The following GRIA4 variants were observed in gnomAD, a reference collection of about 807,000 sequenced individuals.
The protein encoded by GRIA4 is glutamate receptor 4.
In GRIA4, 34 loss-of-function variants were observed where a neutral mutation model predicts 104.0. That is an observed-to-expected ratio of 0.33 (90% CI 0.25 to 0.44). The LOEUF is 0.44. GRIA4 is among the 20% of genes least tolerant of loss of function. The pLI is 1.00. For synonymous variants in GRIA4, 386 were observed against 381.9 expected (o/e 1.01, Z -0.13); for missense variants, 750 against 1,096.5 (o/e 0.68, Z 4.46).
At chr11:105,970,462 C>T (rs553071505) in intron 14 of GRIA4, among the ~76,000 whole-genome samples, 13 of 152,290 alleles carry the variant, frequency 8.5e-5, no homozygotes, top group African/African-American at 3.1e-4. Context: ...AGGCTACTGC[C>T]TCGCTGTGTA....
At chr11:105,900,453 T>A (rs150445618) in intron 7 of GRIA4, among the ~76,000 whole-genome samples, 1 of 152,232 alleles carries the variant, frequency 6.6e-6, no homozygotes, top group Admixed American at 6.5e-5. Context: ...CCTTTATCAC[T>A]CCCTGTGCAC....
chr11:105,733,326 A>C (rs1006376383), intron 3 of GRIA4, among the ~76,000 whole-genome samples: 1 of 152,172 alleles, frequency 6.6e-6, no homozygotes, highest in African/African-American at 2.4e-5. Context: ...ACATGTATGA[A>C]ATTGTTGTTT....
At chr11:105,769,899 T>G (rs1029206358) in intron 4 of GRIA4, among the ~76,000 whole-genome samples, 1 of 152,078 alleles carries the variant, frequency 6.6e-6, no homozygotes, top group Admixed American at 6.6e-5. Flanking sequence ...AAATCTTATT[T>G]TAGAGATATT....
At chr11:105,615,145 A>C (rs1950569249) in intron 3 of GRIA4, among the ~76,000 whole-genome samples, 1 of 151,882 alleles carries the variant, frequency 6.6e-6, no homozygotes, top group African/African-American at 2.4e-5. Flanking sequence ...AAGGGCCATT[A>C]AACAGTATAT....
intron 10 of GRIA4, among the ~76,000 whole-genome samples, chr11:105,914,469 C>G (rs1476597922): frequency 1.3e-5 from 2 of 152,050 alleles, no homozygotes; most frequent in Non-Finnish European, 2.9e-5. Flanking sequence ...GATAGTTCCA[C>G]TTTTGCTAAA....
chr11:105,722,819 A>G (rs576844603), intron 3 of GRIA4, among the ~76,000 whole-genome samples: 1 of 152,226 alleles, frequency 6.6e-6, no homozygotes, highest in Non-Finnish European at 1.5e-5. Context: ...ATTTAGATAA[A>G]TATTTAAGAT....
At chr11:105,960,850 C>T (rs1414202755) in intron 14 of GRIA4, among the ~76,000 whole-genome samples, 1 of 152,212 alleles carries the variant, frequency 6.6e-6, no homozygotes, top group Non-Finnish European at 1.5e-5. Flanking sequence ...CACTCACCGC[C>T]TCCCGTGGCT....
chr11:105,677,237 A>G (rs958219308), intron 3 of GRIA4, among the ~76,000 whole-genome samples: 2 of 151,908 alleles, frequency 1.3e-5, no homozygotes, highest in Non-Finnish European at 2.9e-5. Context: ...GTACGTTTGC[A>G]CAATCTCTCT....
intron 4 of GRIA4, among the ~76,000 whole-genome samples, chr11:105,853,899 C>T (rs1944911893): frequency 6.6e-6 from 1 of 152,174 alleles, no homozygotes; most frequent in South Asian, 2.1e-4. Flanking sequence ...TCGGATGCAT[C>T]ATTTCCACTA....
chr11:105,718,746 A>G (rs1473376351), intron 3 of GRIA4, among the ~76,000 whole-genome samples: 3 of 152,158 alleles, frequency 2.0e-5, no homozygotes, highest in Non-Finnish European at 2.9e-5. Flanking sequence ...TAATGTGGAT[A>G]CTCACGGAAG....
chr11:105,969,016 T>G (rs901623709), intron 14 of GRIA4, among the ~76,000 whole-genome samples: 1 of 152,204 alleles, frequency 6.6e-6, no homozygotes, highest in African/African-American at 2.4e-5. Context: ...TTATTCTGCT[T>G]CTACATGTGT....
intron 7 of GRIA4, 117 bp downstream of exon 7, chr11:105,898,544 G>A: frequency 1.5e-6 from 1 of 660,750 alleles, no homozygotes; most frequent in Admixed American, 3.0e-5. Flanking sequence ...TGGGAAAAAA[G>A]CATTTTGTCC....
rs1942939777 is a variant in GRIA4, at chr11:105,806,042, A to C, written c.487+52822A>C. Among the ~76,000 whole-genome samples, 3 of 151,940 alleles carry C rather than the reference A, an allele frequency of 2.0e-5. No individual in the cohort carries two copies. In the South Asian group the frequency reaches 6.2e-4, roughly 31 times the overall value. ...CCTGATTTTATAATCCAATAAAAGT[A>C]ATTTGTATTTTTTTCTTGTTCTCTT... On this transcript the variant is annotated intron_variant, in intron 4 of 16. Transcript: ENST00000282499.
intron 4 of GRIA4, among the ~76,000 whole-genome samples, chr11:105,770,270 C>T (rs534631017): frequency 2.6e-5 from 4 of 152,162 alleles, no homozygotes; most frequent in South Asian, 2.1e-4. Context: ...TTGTTTAACT[C>T]TGCAGAATTT....
At chr11:105,778,519 A>T (rs1471098892) in intron 4 of GRIA4, among the ~76,000 whole-genome samples, 1 of 152,200 alleles carries the variant, frequency 6.6e-6, no homozygotes. Context: ...AGCCTGACCA[A>T]CATGGTGAAA....
intron 14 of GRIA4, among the ~76,000 whole-genome samples, chr11:105,961,568 T>G (rs536096858): frequency 6.6e-6 from 1 of 152,164 alleles, no homozygotes. Context: ...CCAGAAGTGT[T>G]TTGGATTTCA....
intron 3 of GRIA4, among the ~76,000 whole-genome samples, chr11:105,656,453 A>G (rs746983699): frequency 2.6e-5 from 4 of 152,174 alleles, no homozygotes; most frequent in Non-Finnish European, 5.9e-5. Context: ...CATTCAGGAC[A>G]TAGGCATGGG....
intron 3 of GRIA4, among the ~76,000 whole-genome samples, chr11:105,701,519 C>T (rs2028817): frequency 0.99 from 150,112 of 152,296 alleles, 74,018 homozygotes; most frequent in Middle Eastern, 1. Flanking sequence ...ACATCTACTA[C>T]GTATTGATCA....
intron 4 of GRIA4, among the ~76,000 whole-genome samples, chr11:105,818,805 A>G (rs1943474642): frequency 6.6e-6 from 1 of 152,174 alleles, no homozygotes. Flanking sequence ...TTACTCCATG[A>G]TGCTGACATC....
Sources: allele counts gnomAD v4.1 joint callset (sites outside exome capture counted in the v4.1 genomes callset), GRCh38; gene constraint gnomAD v4.1.1; transcripts MANE v1.5; gene names NCBI Gene and HGNC (gene_info 2026-07-23, HGNC 2026-07-21).